The following PLGRKT variants were observed in gnomAD, a reference collection of about 807,000 sequenced individuals.
PLGRKT encodes the protein plasminogen receptor with a C-terminal lysine, also known as plasminogen receptor (KT).
A neutral mutation model predicts 18.5 loss-of-function variants in PLGRKT; 22 were observed. That is an observed-to-expected ratio of 1.19 (90% CI 0.85 to 1.70). The LOEUF (loss-of-function observed/expected upper bound fraction) is 1.70, where lower values mean the gene tolerates loss of function less well. Among genes scored for constraint, PLGRKT ranks in the 40% most tolerant of loss-of-function variants. The probability of loss-of-function intolerance (pLI) is 0.00; values close to 1 mark genes in which losing one functional copy is unlikely to be tolerated. For synonymous variants in PLGRKT, 72 were observed against 52.8 expected (o/e 1.36, Z -1.58); for missense variants, 235 against 174.4 (o/e 1.35, Z -1.96).
chr9:5,412,674 A>G (rs140064869), intron 3 of PLGRKT, among the ~76,000 whole-genome samples: 64 of 152,370 alleles, frequency 4.2e-4, no homozygotes, highest in African/African-American at 1.5e-3. Flanking sequence ...AACGAAGACA[A>G]AAGTACCACA....
chr9:5,400,525 G>C (rs560281465), intron 3 of PLGRKT, among the ~76,000 whole-genome samples: 2 of 151,682 alleles, frequency 1.3e-5, no homozygotes, highest in African/African-American at 4.9e-5. Flanking sequence ...ACCTAACCAG[G>C]AATTTAACAT....
intron 3 of PLGRKT, among the ~76,000 whole-genome samples, chr9:5,408,670 AGAG>A (rs1337795464): frequency 6.6e-6 from 1 of 152,268 alleles, no homozygotes; most frequent in Admixed American, 6.5e-5. Context: ...GCATAAGTAA[AGAG>A]GAGCCAAGTC....
intron 3 of PLGRKT, among the ~76,000 whole-genome samples, chr9:5,431,131 C>A (rs1185390435): frequency 6.6e-6 from 1 of 152,216 alleles, no homozygotes; most frequent in African/African-American, 2.4e-5. Flanking sequence ...TTTCCAGCCT[C>A]TAGGGGCTTC....
At chr9:5,435,687 T>A (rs1395424655) in intron 2 of PLGRKT, among the ~76,000 whole-genome samples, 1 of 152,384 alleles carries the variant, frequency 6.6e-6, no homozygotes, top group Middle Eastern at 3.4e-3. Context: ...GACCTTGAGT[T>A]AGTTGGTTGC....
chr9:5,408,230 T>G (rs1167212622), intron 3 of PLGRKT, among the ~76,000 whole-genome samples: 2 of 152,196 alleles, frequency 1.3e-5, no homozygotes, highest in African/African-American at 4.8e-5. Context: ...GACGGAAAGT[T>G]GGATCTTCCT....
chr9:5,431,943 C>T lies in PLGRKT; in HGVS notation c.35G>A (p.Ser12Asn), dbSNP rs1187585205. ...GFIFSKSMNE[S>N]MKNQKEFMLM... ...CATGAACTCCTTTTGATTTTTCATG[C>T]TTTCATTCATAGATTTTGAAAATAT... The change falls in exon 3 of 6, where the codon AGC (serine) becomes AAC (asparagine). Residue 12 changes from serine to asparagine, a missense_variant. Transcript: ENST00000223864. The T allele has an allele frequency of 2.6e-6, 4 of 1,551,998 alleles. No homozygotes were observed. Among genetic ancestry groups the T allele is most frequent in the African/African-American group, 2.7e-5 (2 of 73,720 alleles).
At chr9:5,416,394 G>GTGAC (rs1331249310) in intron 3 of PLGRKT, among the ~76,000 whole-genome samples, 1 of 152,032 alleles carries the variant, frequency 6.6e-6, no homozygotes. Context: ...ATATGGTAGG[G>GTGAC]TGACTATGTG....
rs529701544 is a variant in PLGRKT at position 5,397,588 on chromosome 9, G to A, written c.81+34309C>T. 2.8e-4 allele frequency among the ~76,000 whole-genome samples: 43 copies of A among 151,680 alleles called. 1 individual carries two copies. In the Middle Eastern group the frequency reaches 0.014, roughly 48 times the overall value. Reference sequence around the variant, plus strand: ...AAGAAAGAAGGGATGGAGGGTGGGGGAAAGAAACAGGGAAAAGGAGGAAGA... The same window carrying A: ...AAGAAAGAAGGGATGGAGGGTGGGGAAAAGAAACAGGGAAAAGGAGGAAGA... On this transcript the variant is annotated intron_variant, in intron 3 of 5. Transcript: ENST00000223864.
intron 3 of PLGRKT, among the ~76,000 whole-genome samples, chr9:5,430,943 A>G (rs1586747764): frequency 6.6e-6 from 1 of 152,352 alleles, no homozygotes; most frequent in Middle Eastern, 3.4e-3. Flanking sequence ...TCTAAATCCA[A>G]TGTTAAGGTT....
chr9:5,396,911 T>A (rs1461648196), intron 3 of PLGRKT, among the ~76,000 whole-genome samples: 2 of 151,964 alleles, frequency 1.3e-5, no homozygotes, highest in Admixed American at 1.3e-4. Context: ...AGTTGAAGAA[T>A]CACAACATGA....
intron 3 of PLGRKT, among the ~76,000 whole-genome samples, chr9:5,389,297 T>C (rs981301094): frequency 1.3e-5 from 2 of 151,966 alleles, no homozygotes; most frequent in Non-Finnish European, 2.9e-5. Flanking sequence ...ACAACGTTCA[T>C]GTGGTTGTCA....
At chr9:5,362,320 C>A (rs1024388920) in intron 3 of PLGRKT, among the ~76,000 whole-genome samples, 14 of 152,164 alleles carry the variant, frequency 9.2e-5, no homozygotes, top group African/African-American at 3.4e-4. Flanking sequence ...TATTTATTTG[C>A]TCCATATCAT....
intron 3 of PLGRKT, among the ~76,000 whole-genome samples, chr9:5,369,552 G>A (rs1817472069): frequency 6.6e-6 from 1 of 152,084 alleles, no homozygotes; most frequent in African/African-American, 2.4e-5. Flanking sequence ...CAAGGATTTA[G>A]AACCAGAAAT....
At chr9:5,365,723 T>C (rs1203355776) in intron 3 of PLGRKT, among the ~76,000 whole-genome samples, 1 of 152,212 alleles carries the variant, frequency 6.6e-6, no homozygotes, top group Non-Finnish European at 1.5e-5. Flanking sequence ...GTGGCAAATG[T>C]GCCATGGTAA....
At chr9:5,361,330 G>A (rs564974982) in intron 4 of PLGRKT, 143 bp from the exon 5 acceptor site, 3 of 587,808 alleles carry the variant, frequency 5.1e-6, no homozygotes, top group East Asian at 5.8e-5. Flanking sequence ...ATAATTCTAT[G>A]GAAATAGGAT....
intron 3 of PLGRKT, among the ~76,000 whole-genome samples, chr9:5,420,868 A>G (rs1160272829): frequency 1.3e-5 from 2 of 152,262 alleles, no homozygotes; most frequent in Non-Finnish European, 2.9e-5. Context: ...AAGTAAAGAA[A>G]AAAACAGATG....
intron 2 of PLGRKT, among the ~76,000 whole-genome samples, chr9:5,434,627 C>G (rs899953372): frequency 1.4e-5 from 2 of 147,534 alleles, no homozygotes; most frequent in Non-Finnish European, 3.0e-5. Context: ...GCGCCTCTGC[C>G]TGGCCACCCA....
chr9:5,397,761 T>C (rs1818080908), intron 3 of PLGRKT, among the ~76,000 whole-genome samples: 1 of 151,848 alleles, frequency 6.6e-6, no homozygotes. Context: ...TGCCCTCAGG[T>C]CACTGAACTT....
At chr9:5,379,243 A>C (rs1220541528) in intron 3 of PLGRKT, among the ~76,000 whole-genome samples, 1 of 152,162 alleles carries the variant, frequency 6.6e-6, no homozygotes, top group African/African-American at 2.4e-5. Flanking sequence ...ACTAATCAAA[A>C]TCTGATCAGA....
Sources: allele counts gnomAD v4.1 joint callset (sites outside exome capture counted in the v4.1 genomes callset), GRCh38; gene constraint gnomAD v4.1.1; transcripts MANE v1.5; gene names NCBI Gene and HGNC (gene_info 2026-07-23, HGNC 2026-07-21).